The following ASCC3 variants were observed in gnomAD, a reference collection of about 807,000 sequenced individuals.
The protein encoded by ASCC3 is ASC-1 complex subunit P200.
Under a neutral mutation model 256.3 loss-of-function variants are expected in ASCC3, and 158 were observed. The observed-to-expected ratio is 0.62, with a 90% CI of 0.54 to 0.70. The LOEUF is 0.70. Among genes scored for constraint, ASCC3 ranks in the 30% least tolerant of loss-of-function variants. The pLI is 0.00. For missense variants in ASCC3, 2,259 were observed against 2,626.0 expected, an observed-to-expected ratio of 0.86 and a Z score of 3.05; for synonymous variants, 948 against 883.4, an observed-to-expected ratio of 1.07 and a Z score of -1.30.
At chr6:100,638,847 T>C (rs759713589) in intron 24 of ASCC3, 26 bp from the exon 25 acceptor site, 7 of 1,582,160 alleles carry the variant, frequency 4.4e-6, no homozygotes, top group South Asian at 1.1e-5. Flanking sequence ...AGGATGGCTA[T>C]ACGACAATTG....
chr6:100,854,307 T>C (rs115459667), intron 3 of ASCC3, among the ~76,000 whole-genome samples: 2,509 of 152,246 alleles, frequency 0.016, 71 homozygotes, highest in African/African-American at 0.058. Flanking sequence ...TAAAATTGCC[T>C]AAGTAATGTA....
chr6:100,870,717 T>C (rs184945864), intron 1 of ASCC3, among the ~76,000 whole-genome samples: 42 of 152,300 alleles, frequency 2.8e-4, no homozygotes, highest in African/African-American at 9.6e-4. Flanking sequence ...TGACTTCAGA[T>C]TTCAACTACC....
chr6:100,792,554 G>A (rs9377232), intron 8 of ASCC3, among the ~76,000 whole-genome samples: 52,439 of 151,514 alleles, frequency 0.35, 10,714 homozygotes, highest in Middle Eastern at 0.52. Context: ...AAATCATCAT[G>A]GTCAATTAAT....
chr6:100,775,962 T>C (rs182508456), intron 8 of ASCC3, among the ~76,000 whole-genome samples: 61 of 152,158 alleles, frequency 4.0e-4, no homozygotes, highest in Admixed American at 3.6e-3. Flanking sequence ...TATATTTGAA[T>C]AATATTCAAA....
intron 1 of ASCC3, among the ~76,000 whole-genome samples, chr6:100,878,256 G>C (rs1188345669): frequency 6.6e-6 from 1 of 152,058 alleles, no homozygotes; most frequent in African/African-American, 2.4e-5. Context: ...AATATATAAT[G>C]GTTAAAAACA....
chr6:100,853,668 G>A (rs1772802195), intron 3 of ASCC3, among the ~76,000 whole-genome samples: 1 of 152,024 alleles, frequency 6.6e-6, no homozygotes, highest in Non-Finnish European at 1.5e-5. Flanking sequence ...TCACAATGTG[G>A]CCCAGGCTGG....
chr6:100,646,028 T>G (rs1028876177), intron 22 of ASCC3, among the ~76,000 whole-genome samples: 1 of 152,034 alleles, frequency 6.6e-6, no homozygotes. Flanking sequence ...TTAAGAGACA[T>G]CAAGATGAAA....
chr6:100,816,899 TTAAAA>T (rs1408213675), intron 4 of ASCC3, among the ~76,000 whole-genome samples: 2 of 151,258 alleles, frequency 1.3e-5, no homozygotes, highest in East Asian at 1.9e-4. Context: ...ACTCCTGAAC[TTAAAA>T]TAAAAGTTAA....
intron 10 of ASCC3, among the ~76,000 whole-genome samples, chr6:100,760,632 G>C (rs906811088): frequency 2.0e-5 from 3 of 152,124 alleles, no homozygotes; most frequent in African/African-American, 7.2e-5. Context: ...GGAAATAGAA[G>C]ATAGTTTTAA....
chr6:100,674,317 T>G (rs957240976), intron 14 of ASCC3, among the ~76,000 whole-genome samples: 3 of 151,976 alleles, frequency 2.0e-5, no homozygotes, highest in Non-Finnish European at 4.4e-5. Context: ...TTACCCACTT[T>G]ATTTCTTCTT....
At chr6:100,866,936 T>G (rs1310472370) in intron 2 of ASCC3, among the ~76,000 whole-genome samples, 2 of 152,226 alleles carry the variant, frequency 1.3e-5, no homozygotes, top group Non-Finnish European at 2.9e-5. Flanking sequence ...ATGTCTAGAA[T>G]TTTCTGGAAG....
intron 13 of ASCC3, among the ~76,000 whole-genome samples, chr6:100,687,005 A>C (rs1163267875): frequency 7.7e-6 from 1 of 130,320 alleles, no homozygotes; most frequent in African/African-American, 2.8e-5. Flanking sequence ...TTTTTTCTGT[A>C]CTTAAATCTC....
chr6:100,678,252 G>A (rs1777127947), intron 14 of ASCC3, among the ~76,000 whole-genome samples: 2 of 152,078 alleles, frequency 1.3e-5, no homozygotes, highest in Non-Finnish European at 2.9e-5. Context: ...CTCAAGGCTT[G>A]TCTTTTAAAC....
chr6:100,751,221 A>C (rs1780922644), intron 10 of ASCC3, among the ~76,000 whole-genome samples: 1 of 152,106 alleles, frequency 6.6e-6, no homozygotes. Context: ...TTTCTTATAC[A>C]AACTAAAATG....
intron 36 of ASCC3, among the ~76,000 whole-genome samples, chr6:100,581,787 C>CT (rs1771288232): frequency 6.6e-6 from 1 of 151,388 alleles, no homozygotes; most frequent in Non-Finnish European, 1.5e-5. Flanking sequence ...GATCCAGTTT[C>CT]AGCTTTCTAC....
At chr6:100,717,557 C>A (rs535690872) in intron 12 of ASCC3, among the ~76,000 whole-genome samples, 1 of 151,830 alleles carries the variant, frequency 6.6e-6, no homozygotes, top group African/African-American at 2.4e-5. Flanking sequence ...CTTTTTAAAG[C>A]ATAGAATTTT....
chr6:100,836,806 G>C (rs746456709), intron 4 of ASCC3, among the ~76,000 whole-genome samples: 4 of 152,056 alleles, frequency 2.6e-5, no homozygotes, highest in African/African-American at 4.8e-5. Context: ...GGAATAATTT[G>C]AGTAGAACTA....
chr6:100,547,447 G>A (rs1036131950), intron 36 of ASCC3, among the ~76,000 whole-genome samples: 8 of 151,966 alleles, frequency 5.3e-5, no homozygotes, highest in African/African-American at 1.7e-4. Flanking sequence ...TATCTGCAAA[G>A]CAGATATCTG....
chr6:100,554,508 T>C (rs1212668358), intron 36 of ASCC3, among the ~76,000 whole-genome samples: 1 of 152,168 alleles, frequency 6.6e-6, no homozygotes. Flanking sequence ...CTAAAGAAGC[T>C]TTATGCTATA....
Sources: gnomAD v4.1 joint callset for allele counts (sites outside exome capture counted in the v4.1 genomes callset) on GRCh38, gnomAD v4.1.1 for gene constraint, MANE v1.5 for transcripts, NCBI Gene and HGNC (gene_info 2026-07-23, HGNC 2026-07-21) for gene names.